The following CUL2 variants were observed in gnomAD, a reference collection of about 807,000 sequenced individuals.
CUL2 encodes the protein cullin 2, also known as cullin-2.
CUL2 carries 22 observed loss-of-function variants against 110.2 expected under a neutral mutation model. That is an observed-to-expected ratio of 0.20 (90% CI 0.14 to 0.28). CUL2 has a LOEUF of 0.28. Among genes scored for constraint, CUL2 ranks in the 10% least tolerant of loss-of-function variants. The pLI, the probability that CUL2 is intolerant of heterozygous loss-of-function variation, is 1.00. For missense variants in CUL2, 631 were observed against 905.5 expected, an observed-to-expected ratio of 0.70 and a Z score of 3.89; for synonymous variants, 279 against 293.2, an observed-to-expected ratio of 0.95 and a Z score of 0.49.
chr10:35,046,891 T>TCAAAACAAAA lies in CUL2; in HGVS notation c.507-2033_507-2024dup, dbSNP rs59042466. Among the ~76,000 whole-genome samples, 1,316 of 149,936 alleles carry TCAAAACAAAA rather than the reference T, an allele frequency of 8.8e-3. 14 individuals are homozygous for TCAAAACAAAA. The highest frequency in any genetic ancestry group is 0.012 in the Non-Finnish European group (814 of 67,518). ...CTGGGCAACAGAGTGAGACTCTGTC[T>TCAAAACAAAA]CAAAACAAAACAAAACAAAACAAAA... On this transcript the variant is annotated intron_variant, in intron 6 of 20. Transcript: ENST00000374749.
intron 17 of CUL2, among the ~76,000 whole-genome samples, chr10:35,022,093 AC>A (rs2085217064): frequency 1.3e-5 from 2 of 152,038 alleles, no homozygotes; most frequent in South Asian, 4.1e-4. Context: ...CTGTCTTCCT[AC>A]TAGACATGAG....
intron 3 of CUL2, among the ~76,000 whole-genome samples, chr10:35,061,450 ACT>A (rs1249714266): frequency 1.4e-5 from 2 of 141,254 alleles, no homozygotes; most frequent in African/African-American, 5.2e-5. Context: ...ACAGAGCAAG[ACT>A]CTGTCTCCCA....
At chr10:35,049,616 C>T in intron 6 of CUL2, 67 bp downstream of exon 6, 5 of 1,322,406 alleles carry the variant, frequency 3.8e-6, no homozygotes, top group South Asian at 1.3e-5. Context: ...TGCAATTGTA[C>T]ACTATTTTAA....
intron 1 of CUL2, among the ~76,000 whole-genome samples, chr10:35,085,052 G>A (rs536176163): frequency 3.9e-4 from 60 of 152,064 alleles, no homozygotes; most frequent in African/African-American, 1.2e-3. Context: ...TGCCAGAGGC[G>A]GAGAATGCAG....
chr10:35,050,016 T>C (rs2086057851), intron 5 of CUL2, among the ~76,000 whole-genome samples: 1 of 152,146 alleles, frequency 6.6e-6, no homozygotes, highest in Non-Finnish European at 1.5e-5. Context: ...TAAGAAATAA[T>C]TGATTATTAT....
intron 16 of CUL2, among the ~76,000 whole-genome samples, chr10:35,026,958 A>G (rs1179210742): frequency 1.3e-5 from 2 of 151,942 alleles, no homozygotes; most frequent in African/African-American, 4.8e-5. Flanking sequence ...AGCATTAGGT[A>G]TATCTCCTAA....
chr10:35,099,323 G>A (rs1245609982), intron 2 of CUL2, among the ~76,000 whole-genome samples: 4 of 151,234 alleles, frequency 2.6e-5, no homozygotes, highest in African/African-American at 7.3e-5. Flanking sequence ...CCTGGGAGGC[G>A]GAGATTGCAG....
At chr10:35,124,323 T>C (rs917255805) in intron 1 of CUL2, among the ~76,000 whole-genome samples, 16 of 152,140 alleles carry the variant, frequency 1.1e-4, no homozygotes, top group African/African-American at 3.4e-4. Context: ...GGCTCATGCC[T>C]ATAATCCCAG....
chr10:35,017,347 T>C (rs1019803652), intron 17 of CUL2, among the ~76,000 whole-genome samples: 1 of 151,874 alleles, frequency 6.6e-6, no homozygotes, highest in African/African-American at 2.4e-5. Flanking sequence ...AAATGTTTAA[T>C]CTGAATGTTT....
chr10:35,078,651 C>G (rs1238508313), intron 1 of CUL2, among the ~76,000 whole-genome samples: 1 of 151,580 alleles, frequency 6.6e-6, no homozygotes, highest in Non-Finnish European at 1.5e-5. Context: ...CTTGCTGGAG[C>G]AAAAAAACAA....
intron 2 of CUL2, among the ~76,000 whole-genome samples, chr10:35,098,908 T>C (rs1200145021): frequency 6.6e-6 from 1 of 152,158 alleles, no homozygotes; most frequent in Non-Finnish European, 1.5e-5. Flanking sequence ...CACTCCAGCC[T>C]GGGCAACAAA....
intron 17 of CUL2, among the ~76,000 whole-genome samples, chr10:35,024,436 C>CAT (rs2085287187): frequency 6.6e-6 from 1 of 152,054 alleles, no homozygotes; most frequent in Non-Finnish European, 1.5e-5. Flanking sequence ...GAAATATTAG[C>CAT]ATATATACCC....
chr10:35,045,530 T>C (rs889540052), intron 6 of CUL2, among the ~76,000 whole-genome samples: 3 of 127,908 alleles, frequency 2.3e-5, no homozygotes, highest in Middle Eastern at 4.9e-3. Flanking sequence ...CTGGGCAACA[T>C]AGCAAGACCC....
chr10:35,031,608 G>A lies in CUL2; in HGVS notation c.1182C>T (p.Tyr394=), dbSNP rs767209995. ...CTGACTTCTTCAGTAAGTTGTCACA[G>A]TACTTAGCAAGCTCATGTAGAAATT... is the stretch of plus-strand genomic sequence containing the variant. ...VCKAPELLAK[Y]CDNLLKKSAK... is the part of the protein sequence containing the mutation. Residue 394 remains tyrosine (Y), a synonymous_variant, in exon 13 of 21, where the codon TAC becomes TAT. Coordinates refer to ENST00000374749, the MANE Select transcript of CUL2 (RefSeq NM_003591.4). This position sits in a 1 kb window ranked among gnomAD's most constrained non-coding sequence, Gnocchi z 4.4. 3 of 1,614,044 alleles carry A rather than the reference G, an allele frequency of 1.9e-6. No homozygotes were observed. In the East Asian group the frequency reaches 6.7e-5, roughly 36 times the overall value.
chr10:35,040,919 G>T (rs2085770110), intron 8 of CUL2, among the ~76,000 whole-genome samples: 2 of 152,180 alleles, frequency 1.3e-5, no homozygotes, highest in African/African-American at 4.8e-5. Flanking sequence ...GCGGAGCTCA[G>T]GCAGTAGGTA....
chr10:35,011,210 AATTTTTT>A (rs1250771388), intron 20 of CUL2, among the ~76,000 whole-genome samples: 2 of 129,292 alleles, frequency 1.5e-5, no homozygotes, highest in African/African-American at 3.2e-5. Flanking sequence ...TTAATTTTTT[AATTTTTT>A]TTTTTTTTTT....
intron 1 of CUL2, among the ~76,000 whole-genome samples, chr10:35,076,787 C>T (rs919515610): frequency 1.3e-5 from 2 of 152,070 alleles, no homozygotes; most frequent in Non-Finnish European, 2.9e-5. Flanking sequence ...CGGTGGCTCA[C>T]GCCTGTAAGC....
chr10:35,080,037 T>C (rs2086908316), intron 1 of CUL2, among the ~76,000 whole-genome samples: 1 of 152,218 alleles, frequency 6.6e-6, no homozygotes, highest in Non-Finnish European at 1.5e-5. Flanking sequence ...TATGAGTTAT[T>C]TCTGAAATTT....
At chr10:35,118,324 T>TG (rs1223368603) in intron 1 of CUL2, 2 of 152,244 alleles carry the variant, frequency 1.3e-5, no homozygotes, top group Non-Finnish European at 2.9e-5. Context: ...TTTCCCCTTC[T>TG]GGAATTTCCA....
Sources: gnomAD v4.1 joint callset for allele counts (sites outside exome capture counted in the v4.1 genomes callset) on GRCh38, gnomAD v4.1.1 for gene constraint, Gnocchi (gnomAD v3.1) non-coding constraint, MANE v1.5 for transcripts, NCBI Gene and HGNC (gene_info 2026-07-23, HGNC 2026-07-21) for gene names.